The following PTPRD variants were observed in gnomAD, a reference collection of about 807,000 sequenced individuals.
PTPRD encodes receptor-type tyrosine-protein phosphatase delta.
Under a neutral mutation model 214.5 loss-of-function variants are expected in PTPRD, and 34 were observed. The ratio of observed to expected loss-of-function variants is 0.16; its 90% CI spans 0.12 to 0.21. The LOEUF (loss-of-function observed/expected upper bound fraction) is 0.21, where lower values mean the gene tolerates loss of function less well. Among genes scored for constraint, PTPRD ranks in the 10% least tolerant of loss-of-function variants. PTPRD has a pLI of 1.00. For synonymous variants in PTPRD, 1,128 were observed against 845.7 expected, an observed-to-expected ratio of 1.33 and a Z score of -5.79; for missense variants, 2,545 against 2,398.7, an observed-to-expected ratio of 1.06 and a Z score of -1.27.
rs1445684759 is a variant in PTPRD, at chr9:10,568,128, C to A, written c.-600+44270G>T. Among the ~76,000 whole-genome samples, 11 of 146,732 alleles carry A rather than the reference C, an allele frequency of 7.5e-5. No homozygotes were observed. The South Asian group carries it at 2.0e-3, about 27-fold the overall frequency. On this transcript the variant is annotated intron_variant, in intron 2 of 45. Transcript: ENST00000381196. ...CTACCCCTCCCCCCTCCCCCCAGCC[C>A]ACAACAGTCCCCAGTGTGTGATGTT...
At chr9:10,177,975 T>G (rs1173731723) in intron 3 of PTPRD, among the ~76,000 whole-genome samples, 1 of 151,970 alleles carries the variant, frequency 6.6e-6, no homozygotes, top group Admixed American at 6.6e-5. Context: ...AGGTGGCTAG[T>G]AAGAGCTAAA....
chr9:8,807,598 C>A (rs1216401309), intron 11 of PTPRD, among the ~76,000 whole-genome samples: 12 of 135,044 alleles, frequency 8.9e-5, no homozygotes, highest in African/African-American at 2.5e-4. Context: ...CTTTGAATAG[C>A]TTTTTTTTTT....
chr9:9,570,784 A>C (rs951953801), intron 8 of PTPRD, among the ~76,000 whole-genome samples: 4 of 151,544 alleles, frequency 2.6e-5, no homozygotes, highest in Non-Finnish European at 4.4e-5. Context: ...ACAGGCAAGA[A>C]AGCAGAAAGA....
intron 44 of PTPRD, among the ~76,000 whole-genome samples, chr9:8,326,664 C>T (rs11562287): frequency 0.11 from 16,523 of 149,318 alleles, 950 homozygotes; most frequent in African/African-American, 0.19. Flanking sequence ...CTCTTTGTAC[C>T]TCTGGTAGAA....
At chr9:9,708,768 C>T (rs1039926072) in intron 7 of PTPRD, among the ~76,000 whole-genome samples, 1 of 151,924 alleles carries the variant, frequency 6.6e-6, no homozygotes, top group Non-Finnish European at 1.5e-5. Flanking sequence ...TTGCATAATA[C>T]CTGGAGTTTC....
intron 3 of PTPRD, among the ~76,000 whole-genome samples, chr9:10,179,470 T>A (rs1351916125): frequency 1.3e-5 from 2 of 151,968 alleles, no homozygotes; most frequent in Non-Finnish European, 2.9e-5. Flanking sequence ...TAAAATATAG[T>A]CCTAAATGTC....
intron 2 of PTPRD, among the ~76,000 whole-genome samples, chr9:10,600,740 T>A (rs1193200164): frequency 6.6e-6 from 1 of 151,706 alleles, no homozygotes; most frequent in African/African-American, 2.4e-5. Flanking sequence ...CATGAGCAAA[T>A]CCACAAAAAC....
chr9:8,468,377 C>A (rs949765410), intron 31 of PTPRD, among the ~76,000 whole-genome samples: 1 of 151,976 alleles, frequency 6.6e-6, no homozygotes, highest in Non-Finnish European at 1.5e-5. Flanking sequence ...TGATCTATTA[C>A]ATGACCTGCT....
At chr9:9,785,033 T>C (rs2098910293) in intron 5 of PTPRD, among the ~76,000 whole-genome samples, 1 of 151,484 alleles carries the variant, frequency 6.6e-6, no homozygotes, top group African/African-American at 2.4e-5. Context: ...AAAAAAACTC[T>C]AGTCCAACCT....
At chr9:10,055,193 CATGGT>C (rs535643095) in intron 3 of PTPRD, among the ~76,000 whole-genome samples, 339 of 152,192 alleles carry the variant, frequency 2.2e-3, no homozygotes, top group African/African-American at 7.3e-3. Context: ...CCACCTAGTA[CATGGT>C]ATTTTGTTAT....
chr9:10,231,289 A>C (rs975613620), intron 3 of PTPRD, among the ~76,000 whole-genome samples: 1 of 151,874 alleles, frequency 6.6e-6, no homozygotes, highest in Non-Finnish European at 1.5e-5. Flanking sequence ...CTGATAGCAC[A>C]TGGAATAGAG....
chr9:10,070,799 A>G (rs2154179163), intron 3 of PTPRD, among the ~76,000 whole-genome samples: 1 of 152,050 alleles, frequency 6.6e-6, no homozygotes, highest in Non-Finnish European at 1.5e-5. Context: ...GGCCACTATC[A>G]TATATATTAC....
chr9:10,207,981 A>G (rs1189358640), intron 3 of PTPRD, among the ~76,000 whole-genome samples: 1 of 152,322 alleles, frequency 6.6e-6, no homozygotes, highest in East Asian at 1.9e-4. Flanking sequence ...GAAGCTTTGT[A>G]TTATTAACAT....
intron 11 of PTPRD, among the ~76,000 whole-genome samples, chr9:8,803,516 T>C (rs2096612606): frequency 6.6e-6 from 1 of 152,140 alleles, no homozygotes; most frequent in Admixed American, 6.6e-5. Flanking sequence ...TACACTTACA[T>C]TTATATTATA....
intron 36 of PTPRD, among the ~76,000 whole-genome samples, chr9:8,393,624 G>A (rs934603142): frequency 3.3e-5 from 5 of 152,020 alleles, no homozygotes; most frequent in Non-Finnish European, 7.4e-5. Context: ...TCTTTCCTAG[G>A]AGTCCATGGC....
At chr9:9,421,324 A>T (rs1889102) in intron 8 of PTPRD, among the ~76,000 whole-genome samples, 276 of 151,454 alleles carry the variant, frequency 1.8e-3, no homozygotes, top group African/African-American at 6.4e-3. Flanking sequence ...CAATATAAAC[A>T]GGAAATATGC....
At chr9:10,307,799 G>C in intron 3 of PTPRD, among the ~76,000 whole-genome samples, 1 of 151,742 alleles carries the variant, frequency 6.6e-6, no homozygotes, top group African/African-American at 2.4e-5. Flanking sequence ...GTTTGGGTTG[G>C]CATTTTTTTA....
At chr9:9,584,515 T>C (rs370134782) in intron 7 of PTPRD, among the ~76,000 whole-genome samples, 2 of 151,940 alleles carry the variant, frequency 1.3e-5, no homozygotes, top group East Asian at 3.9e-4. Flanking sequence ...TCCCATTTTG[T>C]ACCTGCTTCT....
At chr9:8,579,043 A>T (rs2154249029) in intron 14 of PTPRD, among the ~76,000 whole-genome samples, 1 of 152,322 alleles carries the variant, frequency 6.6e-6, no homozygotes, top group South Asian at 2.1e-4. Flanking sequence ...TGCAACACTT[A>T]CAAGTCCAAA....
Sources: gnomAD v4.1 joint callset for allele counts (sites outside exome capture counted in the v4.1 genomes callset) on GRCh38, gnomAD v4.1.1 for gene constraint, MANE v1.5 for transcripts, NCBI Gene and HGNC (gene_info 2026-07-23, HGNC 2026-07-21) for gene names.